The following ANGPT1 variants were observed in gnomAD, a reference collection of about 807,000 sequenced individuals.
ANGPT1 encodes angiopoietin 1.
Under a neutral mutation model 62.2 loss-of-function variants are expected in ANGPT1, and 17 were observed. The ratio of observed to expected loss-of-function variants is 0.27; its 90% CI spans 0.19 to 0.41. The LOEUF (loss-of-function observed/expected upper bound fraction) is 0.41. ANGPT1 is among the 10% of genes least tolerant of loss of function. The probability of loss-of-function intolerance (pLI) is 1.00; values close to 1 mark genes in which losing one functional copy is unlikely to be tolerated. For missense variants in ANGPT1, 478 were observed against 594.9 expected (o/e 0.80, Z 2.04); for synonymous variants, 199 against 198.9 (o/e 1.00, Z 0.00).
intron 3 of ANGPT1, among the ~76,000 whole-genome samples, chr8:107,333,996 G>GGCAAGGAAGGAAGGAAGGAA: frequency 1.4e-5 from 1 of 70,520 alleles, no homozygotes; most frequent in East Asian, 5.1e-4. Flanking sequence ...GAGGGAGGGA[G>GGCAAGGAAGGAAGGAAGGAA]GGAAGGAAGG....
At chr8:107,456,693 A>T (rs1811928330) in intron 1 of ANGPT1, among the ~76,000 whole-genome samples, 1 of 152,080 alleles carries the variant, frequency 6.6e-6, no homozygotes, top group African/African-American at 2.4e-5. Context: ...CTTTTACTTT[A>T]GTGGCATTTT....
chr8:107,433,148 G>T (rs945846270), intron 1 of ANGPT1, among the ~76,000 whole-genome samples: 2 of 152,060 alleles, frequency 1.3e-5, no homozygotes, highest in East Asian at 1.9e-4. Flanking sequence ...TTTGGTGTGG[G>T]TATAGGGGAA....
At chr8:107,259,008 A>G (rs1263565448) in intron 8 of ANGPT1, among the ~76,000 whole-genome samples, 3 of 152,196 alleles carry the variant, frequency 2.0e-5, no homozygotes, top group African/African-American at 4.8e-5. Context: ...CACTGGGGAT[A>G]CAGTAGTGGA....
intron 1 of ANGPT1, among the ~76,000 whole-genome samples, chr8:107,381,681 G>T (rs1586275041): frequency 6.6e-6 from 1 of 152,320 alleles, no homozygotes; most frequent in South Asian, 2.1e-4. Flanking sequence ...CTGCTAGCAA[G>T]ATTGAATCAC....
intron 4 of ANGPT1, among the ~76,000 whole-genome samples, chr8:107,317,638 T>A (rs917829446): frequency 5.9e-5 from 9 of 151,482 alleles, no homozygotes; most frequent in South Asian, 2.1e-4. Context: ...ATTTTTATTT[T>A]TTTTTTTTTT....
intron 7 of ANGPT1, among the ~76,000 whole-genome samples, chr8:107,267,770 T>A (rs534022445): frequency 6.6e-6 from 1 of 152,120 alleles, no homozygotes; most frequent in African/African-American, 2.4e-5. Flanking sequence ...TACTGTCTAC[T>A]TTTTCCCATG....
intron 1 of ANGPT1, among the ~76,000 whole-genome samples, chr8:107,460,982 A>G (rs1477110062): frequency 6.6e-6 from 1 of 152,124 alleles, no homozygotes; most frequent in Non-Finnish European, 1.5e-5. Flanking sequence ...CTGACTCTCC[A>G]AGGGTACTTG....
chr8:107,414,229 T>A (rs1165424861), intron 1 of ANGPT1, among the ~76,000 whole-genome samples: 8 of 152,126 alleles, frequency 5.3e-5, no homozygotes, highest in Admixed American at 3.9e-4. Context: ...GGAATCCAAG[T>A]GCACAGCTTC....
intron 1 of ANGPT1, among the ~76,000 whole-genome samples, chr8:107,478,424 T>G (rs965602914): frequency 2.0e-5 from 3 of 151,992 alleles, no homozygotes; most frequent in African/African-American, 7.3e-5. Flanking sequence ...GGTGCACGCC[T>G]GTAGTCCCAG....
chr8:107,279,703 A>G (rs1380555245), intron 7 of ANGPT1, among the ~76,000 whole-genome samples: 1 of 151,880 alleles, frequency 6.6e-6, no homozygotes, highest in Non-Finnish European at 1.5e-5. Flanking sequence ...AATGGGTTCT[A>G]CACTTTAAAA....
intron 1 of ANGPT1, among the ~76,000 whole-genome samples, chr8:107,474,984 A>C (rs1039712694): frequency 6.6e-6 from 1 of 152,244 alleles, no homozygotes; most frequent in African/African-American, 2.4e-5. Flanking sequence ...AGGAAGAATC[A>C]ATATTGTGAA....
intron 1 of ANGPT1, among the ~76,000 whole-genome samples, chr8:107,363,809 C>T (rs997761647): frequency 6.6e-6 from 1 of 152,116 alleles, no homozygotes; most frequent in Non-Finnish European, 1.5e-5. Flanking sequence ...CTTCCTAATA[C>T]TTATTAACAC....
At chr8:107,292,267 C>T (rs1814297770) in intron 6 of ANGPT1, among the ~76,000 whole-genome samples, 1 of 152,138 alleles carries the variant, frequency 6.6e-6, no homozygotes, top group African/African-American at 2.4e-5. Context: ...TCCTCCCATC[C>T]TGCTTATAAC....
chr8:107,399,955 C>T (rs912647879), intron 1 of ANGPT1, among the ~76,000 whole-genome samples: 1 of 152,212 alleles, frequency 6.6e-6, no homozygotes, highest in East Asian at 1.9e-4. Context: ...TAAATTAGAG[C>T]GCTAGGTTTC....
At chr8:107,483,749 C>T (rs1323171048) in intron 1 of ANGPT1, among the ~76,000 whole-genome samples, 3 of 152,006 alleles carry the variant, frequency 2.0e-5, no homozygotes, top group Non-Finnish European at 4.4e-5. Context: ...AGAAATACAA[C>T]CTAATACTGT....
chr8:107,394,708 T>C (rs574937667), intron 1 of ANGPT1, among the ~76,000 whole-genome samples: 1 of 152,214 alleles, frequency 6.6e-6, no homozygotes, highest in Admixed American at 6.5e-5. Context: ...TAAATCTATG[T>C]GATTTTTATT....
chr8:107,354,408 A>T (rs1420965801), intron 1 of ANGPT1, among the ~76,000 whole-genome samples: 1 of 152,130 alleles, frequency 6.6e-6, no homozygotes, highest in Non-Finnish European at 1.5e-5. Flanking sequence ...TGGAGAAATC[A>T]CTTAAACACT....
intron 1 of ANGPT1, among the ~76,000 whole-genome samples, chr8:107,477,303 T>C (rs1191858311): frequency 2.0e-5 from 3 of 152,120 alleles, no homozygotes; most frequent in Non-Finnish European, 4.4e-5. Context: ...TGGGTCACAG[T>C]TTGCACAAAG....
At position 107,335,138 on chromosome 8, in the gene ANGPT1, T is replaced by C. The variant is rs114272949; in HGVS notation, c.575+1012A>G. On this transcript the variant is annotated intron_variant, in intron 3 of 8. Transcript: ENST00000517746. ...TAGTGGAAAGATCCTGACACCTAAATTACATTCCAATTTCGGCCACTAGCA... is the reference window on the plus strand; with the variant it reads ...TAGTGGAAAGATCCTGACACCTAAACTACATTCCAATTTCGGCCACTAGCA... Among the ~76,000 whole-genome samples, 714 of 152,320 alleles carry C rather than the reference T, an allele frequency of 4.7e-3. 7 individuals are homozygous for C. The highest frequency in any genetic ancestry group is 0.017 in the African/African-American group (693 of 41,560).
Sources: gnomAD v4.1 joint callset for allele counts (sites outside exome capture counted in the v4.1 genomes callset) on GRCh38, gnomAD v4.1.1 for gene constraint, MANE v1.5 for transcripts, NCBI Gene and HGNC (gene_info 2026-07-23, HGNC 2026-07-21) for gene names.